The following CCDC91 variants were observed in gnomAD, a reference collection of about 807,000 sequenced individuals.
The protein encoded by CCDC91 is coiled-coil domain-containing protein 91.
Under a neutral mutation model 63.2 loss-of-function variants are expected in CCDC91, and 48 were observed. That is an observed-to-expected ratio of 0.76 (90% CI 0.60 to 0.97). The LOEUF is 0.97. Among genes scored for constraint, CCDC91 ranks in the 50% least tolerant of loss-of-function variants. CCDC91 has a pLI of 0.00. For missense variants in CCDC91, 500 were observed against 494.6 expected, an observed-to-expected ratio of 1.01 and a Z score of -0.10; for synonymous variants, 167 against 165.8, an observed-to-expected ratio of 1.01 and a Z score of -0.06.
intron 3 of CCDC91, among the ~76,000 whole-genome samples, chr12:28,273,548 G>A (rs1947946217): frequency 6.6e-6 from 1 of 152,098 alleles, no homozygotes; most frequent in African/African-American, 2.4e-5. Context: ...GGTGTGAGAT[G>A]GTATCTCATT....
chr12:28,283,589 AC>A (rs1030233582), intron 3 of CCDC91, among the ~76,000 whole-genome samples: 2 of 152,066 alleles, frequency 1.3e-5, no homozygotes, highest in African/African-American at 4.8e-5. Context: ...AGTATCCCTT[AC>A]CCAAAATGCT....
chr12:28,280,997 G>A lies in CCDC91; in HGVS notation c.109+21555G>A, dbSNP rs868106308. The stretch of plus-strand genomic sequence containing the variant: ...GTCTAAAAAAATAAATAAATAAAAA[G>A]ATATCCTATGCAATATGGCTTTCTG... On this transcript the variant is annotated intron_variant, in intron 3 of 12. Coordinates refer to ENST00000536442, the MANE Select transcript of CCDC91 (RefSeq NM_018318.5). Among the ~76,000 whole-genome samples, 229 of 152,094 alleles carry A rather than the reference G, an allele frequency of 1.5e-3. 2 individuals are homozygous for A. The South Asian group carries it at 0.045, about 30-fold the overall frequency.
chr12:28,268,863 A>T (rs944364759), intron 3 of CCDC91: 1 of 154,108 alleles, frequency 6.5e-6, no homozygotes, highest in Non-Finnish European at 1.4e-5. Flanking sequence ...CTGGACCTGA[A>T]TCAAACAGAA....
intron 1 of CCDC91, among the ~76,000 whole-genome samples, chr12:28,229,866 C>T (rs1279580833): frequency 6.6e-5 from 10 of 152,052 alleles, no homozygotes; most frequent in Non-Finnish European, 1.5e-4. Context: ...TTTGGGTTGA[C>T]AAAATTAAGA....
At chr12:28,213,913 G>A (rs1175716479) in intron 1 of CCDC91, among the ~76,000 whole-genome samples, 1 of 152,146 alleles carries the variant, frequency 6.6e-6, no homozygotes, top group African/African-American at 2.4e-5. Context: ...GCTGGTGCAG[G>A]ATTCTCCAGA....
chr12:28,220,347 C>T (rs1051709380), intron 1 of CCDC91, among the ~76,000 whole-genome samples: 5 of 151,786 alleles, frequency 3.3e-5, no homozygotes, highest in Non-Finnish European at 4.4e-5. Context: ...AATATTTTTC[C>T]GTTTTATGTA....
chr12:28,449,788 GTTATCATCTAA>G (rs1167108139), intron 8 of CCDC91, among the ~76,000 whole-genome samples: 1 of 151,772 alleles, frequency 6.6e-6, no homozygotes, highest in Non-Finnish European at 1.5e-5. Context: ...ATATTTCTCA[GTTATCATCTAA>G]TTGCTTCATT....
intron 8 of CCDC91, among the ~76,000 whole-genome samples, chr12:28,438,362 G>T (rs1332961666): frequency 3.9e-5 from 6 of 152,058 alleles, no homozygotes; most frequent in Admixed American, 2.0e-4. Flanking sequence ...GCCTTTGTCT[G>T]CTCAAGAGGA....
At chr12:28,399,505 A>G (rs1347016738) in intron 8 of CCDC91, among the ~76,000 whole-genome samples, 2 of 152,194 alleles carry the variant, frequency 1.3e-5, no homozygotes, top group Admixed American at 6.5e-5. Flanking sequence ...TCAAAACCCA[A>G]TCATGCCCTT....
chr12:28,535,486 AC>A (rs1235126285), intron 12 of CCDC91, among the ~76,000 whole-genome samples: 2 of 152,214 alleles, frequency 1.3e-5, no homozygotes, highest in Non-Finnish European at 2.9e-5. Flanking sequence ...CTCAGAGAGG[AC>A]ACTGCAGCAA....
chr12:28,459,171 A>G (rs149073241), intron 11 of CCDC91, among the ~76,000 whole-genome samples: 85 of 152,064 alleles, frequency 5.6e-4, no homozygotes, highest in African/African-American at 2.0e-3. Context: ...GACTGGCAAA[A>G]CCCACTCTTA....
chr12:28,265,171 G>A (rs1255393870), intron 3 of CCDC91, among the ~76,000 whole-genome samples: 1 of 151,972 alleles, frequency 6.6e-6, no homozygotes, highest in African/African-American at 2.4e-5. Flanking sequence ...TGTCTAGAAG[G>A]CGAAGTGGGA....
chr12:28,198,597 G>C (rs530298685), intron 1 of CCDC91, among the ~76,000 whole-genome samples: 4 of 152,266 alleles, frequency 2.6e-5, no homozygotes, highest in African/African-American at 9.6e-5. Flanking sequence ...CCATTTTGCT[G>C]AATGAGAAGA....
At chr12:28,462,502 G>A (rs569436389) in intron 11 of CCDC91, among the ~76,000 whole-genome samples, 2 of 152,010 alleles carry the variant, frequency 1.3e-5, no homozygotes, top group African/African-American at 4.8e-5. Flanking sequence ...TAAGACAGTT[G>A]TAAGAAGCTA....
At chr12:28,224,063 C>A (rs573975926) in intron 1 of CCDC91, among the ~76,000 whole-genome samples, 1 of 152,236 alleles carries the variant, frequency 6.6e-6, no homozygotes, top group African/African-American at 2.4e-5. Flanking sequence ...TCATTTTGTG[C>A]CCATGTGGTT....
intron 7 of CCDC91, among the ~76,000 whole-genome samples, chr12:28,382,208 T>A (rs1321866125): frequency 1.3e-5 from 2 of 151,968 alleles, no homozygotes; most frequent in Non-Finnish European, 2.9e-5. Context: ...CTTTTCAGTA[T>A]GAGGAAAAGT....
chr12:28,310,381 G>A (rs1438035153), intron 6 of CCDC91, among the ~76,000 whole-genome samples: 1 of 151,944 alleles, frequency 6.6e-6, no homozygotes, highest in Non-Finnish European at 1.5e-5. Context: ...CATTATCATT[G>A]TTGTCTCACT....
chr12:28,286,418 C>G (rs754320627), intron 3 of CCDC91, among the ~76,000 whole-genome samples: 5 of 152,062 alleles, frequency 3.3e-5, no homozygotes, highest in Non-Finnish European at 7.4e-5. Flanking sequence ...TCCATGTGTT[C>G]TCATCATTTA....
intron 3 of CCDC91, among the ~76,000 whole-genome samples, chr12:28,294,171 A>G (rs1254059615): frequency 6.6e-6 from 1 of 152,182 alleles, no homozygotes; most frequent in Non-Finnish European, 1.5e-5. Context: ...GTTGACACAC[A>G]CACAAAAATA....
Sources: allele counts gnomAD v4.1 joint callset (sites outside exome capture counted in the v4.1 genomes callset), GRCh38; gene constraint gnomAD v4.1.1; transcripts MANE v1.5; gene names NCBI Gene and HGNC (gene_info 2026-07-23, HGNC 2026-07-21).